MALRD1: variants seen among roughly 807,000 people sequenced by gnomAD.
MALRD1 encodes MAM and LDL-receptor class A domain-containing protein 1.
MALRD1 carries 247 observed loss-of-function variants against 242.1 expected under a neutral mutation model. The observed-to-expected ratio is 1.02, with a 90% CI of 0.92 to 1.13. The LOEUF is 1.13. MALRD1 is among the 50% of genes most tolerant of loss of function. The probability of loss-of-function intolerance (pLI) is 0.00; values close to 1 mark genes in which losing one functional copy is unlikely to be tolerated. For missense variants in MALRD1, 2,989 were observed against 2,533.1 expected, an observed-to-expected ratio of 1.18 and a Z score of -3.86; for synonymous variants, 995 against 866.6, an observed-to-expected ratio of 1.15 and a Z score of -2.60.
intron 28 of MALRD1, among the ~76,000 whole-genome samples, chr10:19,446,215 C>A (rs1310948880): frequency 1.3e-5 from 2 of 152,110 alleles, no homozygotes; most frequent in Admixed American, 1.3e-4. Context: ...AAATGGAATT[C>A]CCCAGTCGCT....
chr10:19,184,779 C>A (rs1169647536), intron 14 of MALRD1, among the ~76,000 whole-genome samples: 1 of 152,240 alleles, frequency 6.6e-6, no homozygotes, highest in African/African-American at 2.4e-5. Context: ...AACTCCTGAC[C>A]TCAGGTGATC....
intron 21 of MALRD1, among the ~76,000 whole-genome samples, chr10:19,314,728 T>G (rs1384652798): frequency 2.0e-5 from 3 of 151,670 alleles, no homozygotes; most frequent in East Asian, 1.9e-4. Context: ...TATGGCTGCT[T>G]TCTTACTGCA....
intron 36 of MALRD1, among the ~76,000 whole-genome samples, chr10:19,617,495 T>C (rs1027936698): frequency 6.6e-6 from 1 of 152,052 alleles, no homozygotes; most frequent in South Asian, 2.1e-4. Context: ...AAATAACTTT[T>C]GAAACTTTGT....
At chr10:19,140,729 A>G (rs1162569563) in intron 10 of MALRD1, among the ~76,000 whole-genome samples, 1 of 152,156 alleles carries the variant, frequency 6.6e-6, no homozygotes, top group East Asian at 1.9e-4. Context: ...TATACATGGA[A>G]TCTAAAAAAG....
chr10:19,448,706 A>C (rs1835141786), intron 28 of MALRD1, among the ~76,000 whole-genome samples: 1 of 152,082 alleles, frequency 6.6e-6, no homozygotes, highest in Non-Finnish European at 1.5e-5. Context: ...ATCCATGTTT[A>C]CATAAGATTT....
intron 10 of MALRD1, among the ~76,000 whole-genome samples, chr10:19,138,448 T>C (rs1317581636): frequency 7.2e-6 from 1 of 139,506 alleles, no homozygotes; most frequent in Non-Finnish European, 1.6e-5. Context: ...GGGGACAGAG[T>C]CTTGCTCTGT....
chr10:19,721,485 A>G (rs1184851899), intron 38 of MALRD1: 2 of 151,638 alleles, frequency 1.3e-5, no homozygotes, highest in Admixed American at 6.6e-5. Flanking sequence ...GTCTTTTATA[A>G]TTTAGTTGCA....
intron 18 of MALRD1, among the ~76,000 whole-genome samples, chr10:19,230,388 A>AG (rs149060556): frequency 0.1 from 15,164 of 152,018 alleles, 1,099 homozygotes; most frequent in African/African-American, 0.21. Context: ...ACCTGCTTCC[A>AG]GGGGGGGCCT....
chr10:19,255,244 C>T (rs190245870), intron 18 of MALRD1, among the ~76,000 whole-genome samples: 20 of 152,036 alleles, frequency 1.3e-4, no homozygotes, highest in East Asian at 3.9e-4. Flanking sequence ...TGAGGCACTC[C>T]GTAAGGTAGC....
intron 31 of MALRD1, among the ~76,000 whole-genome samples, chr10:19,502,828 A>T (rs7897363): frequency 0.22 from 33,042 of 152,152 alleles, 5,323 homozygotes; most frequent in African/African-American, 0.46. Context: ...TGAGAACAAG[A>T]TTAAAGTATA....
At chr10:19,650,117 A>G (rs1840802171) in intron 36 of MALRD1, among the ~76,000 whole-genome samples, 1 of 152,204 alleles carries the variant, frequency 6.6e-6, no homozygotes, top group African/African-American at 2.4e-5. Context: ...AAACTCTAGA[A>G]CTGAAAAGTC....
At chr10:19,353,464 G>A (rs1844486292) in intron 26 of MALRD1, among the ~76,000 whole-genome samples, 1 of 152,140 alleles carries the variant, frequency 6.6e-6, no homozygotes, top group Non-Finnish European at 1.5e-5. Context: ...GGTGGAATGG[G>A]CAGTGTTGCC....
chr10:19,103,314 C>T (rs1310176709), intron 4 of MALRD1, among the ~76,000 whole-genome samples: 2 of 152,062 alleles, frequency 1.3e-5, no homozygotes, highest in East Asian at 3.9e-4. Context: ...GTAATCCCAA[C>T]ACTTTGGGAG....
In MALRD1 at chr10:19,324,007, A is replaced by T. The variant is rs1423424301; in HGVS notation, c.3478A>T (p.Thr1160Ser). Residue 1160 changes from threonine (T) to serine (S), a missense_variant, in exon 22 of 40, where the codon ACG (threonine) becomes TCG (serine). Transcript: ENST00000454679. Reference protein sequence around the residue: ...ADSSNGKFGDTADILTPIISL... With the variant: ...ADSSNGKFGDSADILTPIISL... ...CAGTTCTAATGGGAAATTTGGTGAC[A>T]CGGCTGACATTCTCACTCCTATCAT... is the stretch of plus-strand genomic sequence containing the variant. The T allele has an allele frequency of 1.3e-6, 2 of 1,550,710 alleles. No homozygotes were observed. The highest frequency in any genetic ancestry group is 8.7e-7 in the Non-Finnish European group (1 of 1,146,936).
At chr10:19,113,792 TACACACACACACACACACACAC>T (rs753384799) in intron 5 of MALRD1, among the ~76,000 whole-genome samples, 2 of 134,490 alleles carry the variant, frequency 1.5e-5, no homozygotes, top group Non-Finnish European at 3.1e-5. Flanking sequence ...TACCACCCCC[TACACACACACACACACACACAC>T]ACACACACAC....
rs113756414 is a variant in MALRD1, at chr10:19,729,592, C to CGTGTGTGTGTGTGTGTGTGT, written c.6315-1111_6315-1092dup. On this transcript the variant is annotated intron_variant, in intron 38 of 39. Transcript: ENST00000454679. ...TACACATGTGTGTATAGGATCCTTTCGTGTGTGTGTGTGTGTGTGTGTATT... is the reference window on the plus strand; with the variant it reads ...TACACATGTGTGTATAGGATCCTTTCGTGTGTGTGTGTGTGTGTGTGTGTGTGTGTGTGTGTGTGTGTATT... 7.6e-5 allele frequency among the ~76,000 whole-genome samples: 11 copies of CGTGTGTGTGTGTGTGTGTGT among 144,314 alleles called. No homozygotes were observed. In the East Asian group the frequency reaches 1.9e-3, roughly 25 times the overall value. The allele number at this position is 144,314 out of a possible 152,430, so 94.7% of individuals were successfully genotyped here.
chr10:19,694,225 T>C (rs1293561301), intron 38 of MALRD1, among the ~76,000 whole-genome samples: 1 of 151,996 alleles, frequency 6.6e-6, no homozygotes, highest in Non-Finnish European at 1.5e-5. Context: ...AATTGACAAA[T>C]GGGATCTAAT....
chr10:19,147,622 G>A (rs955036713), intron 11 of MALRD1, among the ~76,000 whole-genome samples: 1 of 152,200 alleles, frequency 6.6e-6, no homozygotes, highest in Non-Finnish European at 1.5e-5. Context: ...ATACCTGGAT[G>A]CACAAAGATG....
intron 19 of MALRD1, among the ~76,000 whole-genome samples, chr10:19,278,844 A>G (rs993060018): frequency 2.0e-5 from 3 of 152,194 alleles, no homozygotes; most frequent in South Asian, 2.1e-4. Flanking sequence ...AGCAAATGAT[A>G]TAATAAGCAA....
Sources: allele counts gnomAD v4.1 joint callset (sites outside exome capture counted in the v4.1 genomes callset), GRCh38; gene constraint gnomAD v4.1.1; transcripts MANE v1.5; gene names NCBI Gene and HGNC (gene_info 2026-07-23, HGNC 2026-07-21).